ASTN2: variants seen among roughly 807,000 people sequenced by gnomAD.
ASTN2 encodes the protein astrotactin 2.
ASTN2 carries 54 observed loss-of-function variants against 139.8 expected under a neutral mutation model. The ratio of observed to expected loss-of-function variants is 0.39; its 90% CI spans 0.31 to 0.48. The LOEUF (loss-of-function observed/expected upper bound fraction) is 0.48. Among genes scored for constraint, ASTN2 ranks in the 20% least tolerant of loss-of-function variants. The pLI is 0.95. For missense variants in ASTN2, 1,565 were observed against 1,725.1 expected (o/e 0.91, Z 1.64); for synonymous variants, 756 against 719.5 (o/e 1.05, Z -0.81).
At chr9:116,529,211 T>A (rs1263679022) in intron 19 of ASTN2, among the ~76,000 whole-genome samples, 2 of 152,146 alleles carry the variant, frequency 1.3e-5, no homozygotes, top group Non-Finnish European at 2.9e-5. Flanking sequence ...GCCACAGGGA[T>A]GGAGTACCCG....
intron 5 of ASTN2, among the ~76,000 whole-genome samples, chr9:117,059,374 G>A (rs1302366024): frequency 6.6e-6 from 1 of 152,142 alleles, no homozygotes; most frequent in Non-Finnish European, 1.5e-5. Flanking sequence ...AGCACTTTGG[G>A]AGGCCAAGGT....
intron 20 of ASTN2, among the ~76,000 whole-genome samples, chr9:116,454,751 A>C (rs556731382): frequency 1.7e-4 from 26 of 152,330 alleles, no homozygotes; most frequent in African/African-American, 6.0e-4. Context: ...GACATGGACA[A>C]AGCTGGAAAC....
chr9:117,163,804 A>G (rs1181243493), intron 3 of ASTN2, among the ~76,000 whole-genome samples: 3 of 152,024 alleles, frequency 2.0e-5, no homozygotes, highest in Non-Finnish European at 2.9e-5. Context: ...CTTTTGCTAT[A>G]TATTCCCATT....
At chr9:117,286,400 G>A (rs1209127713) in intron 2 of ASTN2, among the ~76,000 whole-genome samples, 3 of 141,256 alleles carry the variant, frequency 2.1e-5, no homozygotes, top group African/African-American at 7.8e-5. Flanking sequence ...TGCCCAGGCT[G>A]GAGTCCAGTG....
intron 2 of ASTN2, among the ~76,000 whole-genome samples, chr9:117,288,954 A>G (rs941204844): frequency 2.0e-5 from 3 of 152,252 alleles, no homozygotes; most frequent in Admixed American, 6.5e-5. Context: ...TTGTGTCTAC[A>G]TAACTATTAG....
intron 10 of ASTN2, among the ~76,000 whole-genome samples, chr9:116,884,723 C>T (rs1216043371): frequency 1.3e-5 from 2 of 150,782 alleles, no homozygotes; most frequent in Non-Finnish European, 2.9e-5. Context: ...GCGTTTTTGG[C>T]TTGTAGACAC....
At chr9:116,505,291 C>G (rs995935162) in intron 19 of ASTN2, among the ~76,000 whole-genome samples, 4 of 151,892 alleles carry the variant, frequency 2.6e-5, no homozygotes, top group African/African-American at 7.3e-5. Context: ...CAGGGAGTCT[C>G]TGCTCTGTGG....
chr9:116,670,440 G>C (rs1327413350), intron 16 of ASTN2, among the ~76,000 whole-genome samples: 1 of 152,184 alleles, frequency 6.6e-6, no homozygotes, highest in African/African-American at 2.4e-5. Flanking sequence ...ACAGGCATAA[G>C]CCACCGCACC....
chr9:116,986,736 C>T (rs530796395), intron 7 of ASTN2, among the ~76,000 whole-genome samples: 9 of 152,198 alleles, frequency 5.9e-5, no homozygotes, highest in Non-Finnish European at 4.4e-5. Context: ...CTGAAGGTCA[C>T]AAAGTCAAGT....
intron 1 of ASTN2, among the ~76,000 whole-genome samples, chr9:117,412,761 A>G (rs1332443528): frequency 6.6e-6 from 1 of 152,166 alleles, no homozygotes; most frequent in Non-Finnish European, 1.5e-5. Context: ...AAGGTCAGGA[A>G]TGGAAGTGGT....
intron 13 of ASTN2, among the ~76,000 whole-genome samples, chr9:116,739,163 TCTC>T (rs2132135239): frequency 6.6e-6 from 1 of 152,004 alleles, no homozygotes; most frequent in African/African-American, 2.4e-5. Context: ...CAGTGAGAGG[TCTC>T]CTTCATTTCA....
intron 2 of ASTN2, among the ~76,000 whole-genome samples, chr9:117,234,084 T>C (rs1261043957): frequency 1.3e-5 from 2 of 152,128 alleles, no homozygotes; most frequent in Non-Finnish European, 2.9e-5. Flanking sequence ...GAGTGTGTTG[T>C]ATCCAAAAGC....
intron 19 of ASTN2, among the ~76,000 whole-genome samples, chr9:116,589,813 C>T (rs1854307059): frequency 1.3e-5 from 2 of 152,212 alleles, no homozygotes; most frequent in South Asian, 4.1e-4. Context: ...ACCAATCAGA[C>T]ATCTTCCTCC....
chr9:116,515,228 T>G (rs1850593484), intron 19 of ASTN2, among the ~76,000 whole-genome samples: 1 of 152,182 alleles, frequency 6.6e-6, no homozygotes, highest in Non-Finnish European at 1.5e-5. Context: ...TGTGTTTTCT[T>G]GTGACAGCAC....
intron 16 of ASTN2, among the ~76,000 whole-genome samples, chr9:116,684,185 C>T (rs1860060093): frequency 6.6e-6 from 1 of 152,182 alleles, no homozygotes; most frequent in African/African-American, 2.4e-5. Flanking sequence ...TGAGATTCCT[C>T]ATGGAACAGA....
At chr9:117,156,761 C>T (rs1013957460) in intron 3 of ASTN2, among the ~76,000 whole-genome samples, 3 of 151,984 alleles carry the variant, frequency 2.0e-5, no homozygotes, top group African/African-American at 4.8e-5. Flanking sequence ...CAGGTCAGAC[C>T]ACTGACAATG....
At position 117,274,207 on chromosome 9, in the gene ASTN2, G is replaced by A. The variant is rs188949312; in HGVS notation, c.630+17119C>T. On this transcript the variant is annotated intron_variant, in intron 2 of 22. Coordinates refer to ENST00000313400, the MANE Select transcript of ASTN2 (RefSeq NM_001365068.1). ...CTACTAAAAATACAAAAAAATAGCC[G>A]GACGTGGTGACATGTGCCTGTAATC... Among the ~76,000 whole-genome samples the A allele has an allele frequency of 4.9e-4, 75 of 152,160 alleles. No homozygotes were observed. The East Asian group carries it at 0.01, about 21-fold the overall frequency.
At chr9:117,397,157 G>T (rs374319432) in intron 1 of ASTN2, among the ~76,000 whole-genome samples, 12 of 151,818 alleles carry the variant, frequency 7.9e-5, no homozygotes, top group East Asian at 3.9e-4. Context: ...TGGCCAGGTT[G>T]TTCTCCAACT....
chr9:117,195,671 A>C (rs1831481787), intron 3 of ASTN2, among the ~76,000 whole-genome samples: 1 of 152,162 alleles, frequency 6.6e-6, no homozygotes, highest in African/African-American at 2.4e-5. Flanking sequence ...ACATTGAATA[A>C]GGTGTTGACT....
Sources: allele counts gnomAD v4.1 joint callset (sites outside exome capture counted in the v4.1 genomes callset), GRCh38; gene constraint gnomAD v4.1.1; transcripts MANE v1.5; gene names NCBI Gene and HGNC (gene_info 2026-07-23, HGNC 2026-07-21).